PTPN13: variants seen among roughly 807,000 people sequenced by gnomAD.
The protein encoded by PTPN13 is tyrosine-protein phosphatase non-receptor type 13.
A neutral mutation model predicts 284.0 loss-of-function variants in PTPN13; 191 were observed. That is an observed-to-expected ratio of 0.67 (90% CI 0.60 to 0.76). The LOEUF is 0.76. Ranked by LOEUF, PTPN13 falls within the 30% of genes least tolerant of loss-of-function variation. The probability of loss-of-function intolerance (pLI) is 0.00; values close to 1 mark genes in which losing one functional copy is unlikely to be tolerated. For missense variants in PTPN13, 2,797 were observed against 2,939.9 expected, an observed-to-expected ratio of 0.95 and a Z score of 1.12; for synonymous variants, 986 against 1,022.3, an observed-to-expected ratio of 0.96 and a Z score of 0.68.
At chr4:86,757,013 A>G (rs1738054199) in intron 20 of PTPN13, among the ~76,000 whole-genome samples, 1 of 152,196 alleles carries the variant, frequency 6.6e-6, no homozygotes, top group Non-Finnish European at 1.5e-5. Flanking sequence ...CGAACTGACC[A>G]CCACCAACAC....
rs371748270 is a variant in PTPN13 at position 86,796,890 on chromosome 4, G to C, written c.6362G>C (p.Gly2121Ala). Reference sequence around the variant, plus strand: ...TTATTGTAGGCCACCAAAATGAATGGCTGTGAAGAATATTGTGAAGAAAAA... The same window carrying C: ...TTATTGTAGGCCACCAAAATGAATGCCTGTGAAGAATATTGTGAAGAAAAA... Reference protein sequence around the residue: ...EYFTEATKMNGCEEYCEEKVK... With the variant: ...EYFTEATKMNACEEYCEEKVK... Residue 2121 changes from glycine to alanine, a missense_variant, in exon 41 of 48, where the codon GGC (glycine) becomes GCC (alanine). Physicochemically the swap from Gly to Ala is moderately conservative, Grantham distance 60 (BLOSUM62 0). Transcript: ENST00000411767. 59 of 1,489,342 alleles carry C rather than the reference G, an allele frequency of 4.0e-5. No homozygotes were observed. The highest frequency in any genetic ancestry group is 4.9e-5 in the Non-Finnish European group (53 of 1,081,346). 92.3% of individuals were successfully genotyped at this position (1,489,342 alleles called of 1,614,324 possible). A position where few individuals can be genotyped will look rare whatever the true frequency, so the allele number is the denominator to read the frequency against.
chr4:86,630,313 A>T (rs1253343501), intron 1 of PTPN13, among the ~76,000 whole-genome samples: 1 of 152,152 alleles, frequency 6.6e-6, no homozygotes, highest in Non-Finnish European at 1.5e-5. Flanking sequence ...ATATAGTAAG[A>T]CTTATGTATA....
At chr4:86,634,598 A>G (rs1722810007) in intron 1 of PTPN13, among the ~76,000 whole-genome samples, 2 of 152,152 alleles carry the variant, frequency 1.3e-5, no homozygotes, top group African/African-American at 2.4e-5. Flanking sequence ...GCCACCCAAA[A>G]TGACATTTTT....
At chr4:86,787,344 G>A (rs1451097092) in intron 40 of PTPN13, among the ~76,000 whole-genome samples, 1 of 151,998 alleles carries the variant, frequency 6.6e-6, no homozygotes, top group Non-Finnish European at 1.5e-5. Context: ...TGTAATCCCA[G>A]CACTCTGGGA....
chr4:86,806,403 A>G (rs28417582), intron 44 of PTPN13, among the ~76,000 whole-genome samples: 14,473 of 152,262 alleles, frequency 0.095, 800 homozygotes, highest in Non-Finnish European at 0.11. Context: ...AATAAAAAAA[A>G]TCAATAGTGA....
At chr4:86,598,089 A>G (rs1015758534) in intron 1 of PTPN13, among the ~76,000 whole-genome samples, 2 of 151,766 alleles carry the variant, frequency 1.3e-5, no homozygotes, top group African/African-American at 4.8e-5. Context: ...AATCCTAGAG[A>G]CTAAGTTTAT....
intron 42 of PTPN13, among the ~76,000 whole-genome samples, chr4:86,800,870 C>T (rs1743949799): frequency 6.6e-6 from 1 of 152,206 alleles, no homozygotes; most frequent in Non-Finnish European, 1.5e-5. Context: ...CACTGACATG[C>T]AGTTCTGTAA....
intron 27 of PTPN13, among the ~76,000 whole-genome samples, chr4:86,767,511 G>A (rs1038852257): frequency 3.3e-5 from 5 of 151,924 alleles, no homozygotes; most frequent in Non-Finnish European, 7.4e-5. Context: ...CTCCCAAAGT[G>A]TTAGGATTAC....
chr4:86,631,821 AT>A (rs897001271), intron 1 of PTPN13, among the ~76,000 whole-genome samples: 3 of 152,082 alleles, frequency 2.0e-5, no homozygotes, highest in Non-Finnish European at 2.9e-5. Context: ...TAACCTTTTC[AT>A]TTTTTTATTT....
At chr4:86,665,919 G>C (rs187428402) in intron 2 of PTPN13, among the ~76,000 whole-genome samples, 3 of 152,264 alleles carry the variant, frequency 2.0e-5, no homozygotes, top group Admixed American at 2.0e-4. Flanking sequence ...CTGAGAAAAG[G>C]TTTATTAGAT....
chr4:86,784,340 T>C (rs1233012939), intron 37 of PTPN13, 125 bp from the exon 38 acceptor site: 2 of 622,000 alleles, frequency 3.2e-6, no homozygotes, highest in East Asian at 6.0e-5. Context: ...AACACTGATC[T>C]AAGGTGGAGA....
intron 7 of PTPN13, among the ~76,000 whole-genome samples, chr4:86,709,194 G>C (rs896776173): frequency 6.6e-6 from 1 of 151,910 alleles, no homozygotes; most frequent in African/African-American, 2.4e-5. Flanking sequence ...ATATTTCCTT[G>C]CCTTTATTCA....
At position 86,672,486 on chromosome 4, in the gene PTPN13, C is replaced by T. The variant is rs1469874941; in HGVS notation, c.237C>T (p.Phe79=). 1.2e-6 allele frequency: 2 copies of T among 1,606,020 alleles called. No individual in the cohort carries two copies. The highest frequency in any genetic ancestry group is 1.3e-5 in the African/African-American group (1 of 74,810). Residue 79 remains phenylalanine (F), a synonymous_variant, in exon 3 of 48, where the codon TTC becomes TTT. Transcript: ENST00000411767. ...TTTCCAATCAGGATCTTCGAGCATT[C>T]ACTGCACCAGAGGTTCTTCAAAATC... ...ENISNQDLRA[F]TAPEVLQNQS...
chr4:86,634,687 G>A (rs1409444718), intron 1 of PTPN13, among the ~76,000 whole-genome samples: 2 of 152,182 alleles, frequency 1.3e-5, no homozygotes, highest in Non-Finnish European at 2.9e-5. Flanking sequence ...AAAATGGTGA[G>A]TTGCCAACAA....
intron 47 of PTPN13, among the ~76,000 whole-genome samples, chr4:86,812,823 C>T (rs1036645817): frequency 1.3e-5 from 2 of 152,068 alleles, no homozygotes; most frequent in African/African-American, 2.4e-5. Context: ...CCTGGAGTGG[C>T]AGTGATCTGA....
intron 47 of PTPN13, among the ~76,000 whole-genome samples, chr4:86,812,634 A>C (rs1745361355): frequency 6.6e-6 from 1 of 150,630 alleles, no homozygotes; most frequent in African/African-American, 2.4e-5. Flanking sequence ...CTCTGGGGAC[A>C]AGAGCCTTTC....
chr4:86,707,466 C>T (rs1731892181), intron 7 of PTPN13, among the ~76,000 whole-genome samples: 1 of 152,032 alleles, frequency 6.6e-6, no homozygotes, highest in South Asian at 2.1e-4. Context: ...AGTATGGGAA[C>T]CCATTCTCAT....
At chr4:86,804,827 A>G (rs1223274810) in intron 43 of PTPN13, among the ~76,000 whole-genome samples, 1 of 152,216 alleles carries the variant, frequency 6.6e-6, no homozygotes, top group Non-Finnish European at 1.5e-5. Flanking sequence ...TTTTTGAATG[A>G]GCGAATGAAT....
At chr4:86,743,826 A>G (rs965493117) in intron 16 of PTPN13, among the ~76,000 whole-genome samples, 1 of 152,184 alleles carries the variant, frequency 6.6e-6, no homozygotes, top group Non-Finnish European at 1.5e-5. Flanking sequence ...TGGCTTTTCC[A>G]TGACTATTTC....
Sources: allele counts gnomAD v4.1 joint callset (sites outside exome capture counted in the v4.1 genomes callset), GRCh38; gene constraint gnomAD v4.1.1; transcripts MANE v1.5; gene names NCBI Gene and HGNC (gene_info 2026-07-23, HGNC 2026-07-21).